ZFYVE16: variants seen among roughly 807,000 people sequenced by gnomAD.
ZFYVE16 encodes zinc finger FYVE domain-containing protein 16.
Under a neutral mutation model 138.1 loss-of-function variants are expected in ZFYVE16, and 89 were observed. That is an observed-to-expected ratio of 0.64 (90% CI 0.54 to 0.77). ZFYVE16 has a LOEUF of 0.77. Among genes scored for constraint, ZFYVE16 ranks in the 30% least tolerant of loss-of-function variants. The pLI, the probability that ZFYVE16 is intolerant of heterozygous loss-of-function variation, is 0.00. For synonymous variants in ZFYVE16, 596 were observed against 618.3 expected (o/e 0.96, Z 0.53); for missense variants, 1,793 against 1,786.7 (o/e 1.00, Z -0.06).
At chr5:80,433,007 A>C (rs1284001054) in intron 2 of ZFYVE16, among the ~76,000 whole-genome samples, 1 of 152,216 alleles carries the variant, frequency 6.6e-6, no homozygotes, top group African/African-American at 2.4e-5. Flanking sequence ...AACTAGTTCA[A>C]CCATTGTGGA....
chr5:80,422,854 GC>G (rs1411391344), intron 1 of ZFYVE16, among the ~76,000 whole-genome samples: 1 of 152,118 alleles, frequency 6.6e-6, no homozygotes, highest in East Asian at 1.9e-4. Context: ...TGTTGAACCA[GC>G]CTTGCATACC....
intron 5 of ZFYVE16, chr5:80,440,434 C>T: frequency 1.0e-6 from 1 of 985,936 alleles, no homozygotes; most frequent in Non-Finnish European, 1.2e-6. Context: ...ATAGTTCACA[C>T]CCTTTAGAAA....
chr5:80,456,985 G>A lies in ZFYVE16; in HGVS notation c.3836G>A (p.Ser1279Asn). The A allele has an allele frequency of 6.2e-7, 1 of 1,609,304 alleles. No homozygotes were observed. The highest frequency in any genetic ancestry group is 1.1e-5 in the South Asian group (1 of 89,654). ...AATTCTTCCAATGAGCATGTCATTAGCATTGGAGCAAGTTTCAGTACAGAA... is the reference window on the plus strand; with the variant it reads ...AATTCTTCCAATGAGCATGTCATTAACATTGGAGCAAGTTTCAGTACAGAA... ...VLNSSNEHVI[S>N]IGASFSTEAD... The change falls in exon 14 of 19, where the codon AGC becomes AAC. Residue 1279 changes from serine (S) to asparagine (N), a missense_variant. Ser to Asn is a conservative substitution (Grantham distance 46). This residue lies in a region of ZFYVE16 where 498 missense variants were observed against 582.4 expected (regional missense o/e 0.86). Transcript: ENST00000505560.
At chr5:80,468,552 T>A (rs1169376253) in intron 15 of ZFYVE16, among the ~76,000 whole-genome samples, 1 of 152,168 alleles carries the variant, frequency 6.6e-6, no homozygotes, top group Non-Finnish European at 1.5e-5. Flanking sequence ...TGTACTATAA[T>A]CTTATGGGAC....
intron 15 of ZFYVE16, among the ~76,000 whole-genome samples, chr5:80,461,221 CA>C (rs1163215357): frequency 3.3e-5 from 5 of 151,888 alleles, no homozygotes; most frequent in African/African-American, 1.2e-4. Context: ...TTCCAAAATC[CA>C]AAAAAAGTCT....
chr5:80,460,093 C>T (rs576667584), intron 15 of ZFYVE16, among the ~76,000 whole-genome samples: 6 of 152,012 alleles, frequency 3.9e-5, no homozygotes, highest in Admixed American at 1.3e-4. Flanking sequence ...TTGGTTGTAC[C>T]GATTTACTTT....
chr5:80,481,890 G>A lies in ZFYVE16; in HGVS notation c.*4513G>A, dbSNP rs532335204. Among the ~76,000 whole-genome samples, 1 of 152,180 alleles carries A rather than the reference G, an allele frequency of 6.6e-6. No individual in the cohort carries two copies. The highest frequency in any genetic ancestry group is 2.1e-4 in the South Asian group (1 of 4,822). ...GCTAGAGTGCAGTGATACAATCTTG[G>A]CTCACTGCAACCTCCACCCCCAGGG... On this transcript the variant is annotated 3_prime_UTR_variant, in exon 19 of 19. Transcript: ENST00000505560.
At position 80,449,723 on chromosome 5, in the gene ZFYVE16, A is replaced by G. The variant is rs370806680; in HGVS notation, c.3226+10A>G. 6.3e-7 allele frequency: 1 copy of G among 1,581,508 alleles called. No individual in the cohort carries two copies. The highest frequency in any genetic ancestry group is 1.4e-5 in the African/African-American group (1 of 73,068). Reference sequence around the variant, plus strand: ...GTCAAATTCATATTTTGTAAGTAATAATTTATCCTTATTTGCTTAATTGGT... The same window carrying G: ...GTCAAATTCATATTTTGTAAGTAATGATTTATCCTTATTTGCTTAATTGGT... On this transcript the variant is annotated intron_variant, in intron 9 of 18. Transcript: ENST00000505560.
Position 80,438,437 on chromosome 5 carries a change from A to G in ZFYVE16, c.1752A>G (p.Gly584=). ...ATATATATTTCAATGCAGAAGCAGGAGCTATTGGGGAAAGTCATGGTATTA... is the reference window on the plus strand; with the variant it reads ...ATATATATTTCAATGCAGAAGCAGGGGCTATTGGGGAAAGTCATGGTATTA... ...INNIYFNAEA[G]AIGESHGINI... The change falls in exon 4 of 19, where the codon GGA becomes GGG. Residue 584 remains glycine (G), a synonymous_variant. Transcript: ENST00000505560. 6.2e-7 allele frequency: 1 copy of G among 1,613,920 alleles called. No homozygotes were observed. Among genetic ancestry groups the G allele is most frequent in the Non-Finnish European group, 8.5e-7 (1 of 1,179,874 alleles).
In ZFYVE16 at chr5:80,408,510, C is replaced by T. The variant is rs181338784; in HGVS notation, c.-94+357C>T. The stretch of plus-strand genomic sequence containing the variant: ...GGAGAAGCGCCCTGGCGCCGCCGTC[C>T]CGCCTGGGGAGGGGCTGCGACTGCG... On this transcript the variant is annotated intron_variant, in intron 1 of 18. Transcript: ENST00000505560. Among the ~76,000 whole-genome samples, 446 of 152,346 alleles carry T rather than the reference C, an allele frequency of 2.9e-3. 2 individuals are homozygous for T. Among genetic ancestry groups the T allele is most frequent in the African/African-American group, 0.01 (428 of 41,592 alleles).
In ZFYVE16 at chr5:80,451,552, A is replaced by C. The variant is rs1751991964; in HGVS notation, c.3450A>C (p.Gly1150=). 2.5e-6 allele frequency: 4 copies of C among 1,613,906 alleles called. No homozygotes were observed. In the East Asian group the frequency reaches 8.9e-5, roughly 36 times the overall value. Residue 1150 remains glycine (G), a synonymous_variant, in exon 11 of 19, where the codon GGA becomes GGC. Coordinates refer to ENST00000505560, the MANE Select transcript of ZFYVE16 (RefSeq NM_001284236.3). ...TESFLSSKDH[G]GFLFITPTFQ... is the part of the protein sequence containing the mutation. Reference sequence around the variant, plus strand: ...GTTTTCTCAGTAGCAAGGATCACGGAGGATTCCTGTTTATTACACCTACTT... The same window carrying C: ...GTTTTCTCAGTAGCAAGGATCACGGCGGATTCCTGTTTATTACACCTACTT...
chr5:80,475,836 A>C (rs1754853246), intron 18 of ZFYVE16, among the ~76,000 whole-genome samples: 1 of 152,204 alleles, frequency 6.6e-6, no homozygotes, highest in Non-Finnish European at 1.5e-5. Context: ...AAAAATTCTG[A>C]GTAGAATTGC....
Position 80,448,235 on chromosome 5 carries a change from A to G in ZFYVE16, c.2934A>G (p.Pro978=), listed in dbSNP as rs1428989539. 1 of 1,613,786 alleles carries G rather than the reference A, an allele frequency of 6.2e-7. No homozygotes were observed. Among genetic ancestry groups the G allele is most frequent in the African/African-American group, 1.3e-5 (1 of 74,928 alleles). The part of the protein sequence containing the change: ...DDDVFAETEE[P]SSPTGVLVNS... ...ATGTTTTTGCAGAAACTGAAGAACC[A>G]TCTAGTCCTACTGGTGTCTTAGTTA... The change falls in exon 8 of 19, where the codon CCA becomes CCG. Residue 978 remains proline, a synonymous_variant. Coordinates refer to ENST00000505560, the MANE Select transcript of ZFYVE16 (RefSeq NM_001284236.3).
chr5:80,439,163 G>A (rs1750369912), intron 4 of ZFYVE16, among the ~76,000 whole-genome samples, 156 bp downstream of exon 4: 1 of 152,186 alleles, frequency 6.6e-6, no homozygotes, highest in Non-Finnish European at 1.5e-5. Flanking sequence ...ATAAAGCAGT[G>A]TCATTTTGCA....
intron 10 of ZFYVE16, 152 bp downstream of exon 10, chr5:80,450,738 T>C: frequency 2.6e-6 from 2 of 767,298 alleles, no homozygotes; most frequent in South Asian, 5.1e-5. Context: ...TTTTGTCTCC[T>C]TAAAACTAGC....
intron 17 of ZFYVE16, 72 bp downstream of exon 17, chr5:80,473,931 C>T (rs1455703643): frequency 1.5e-5 from 17 of 1,108,758 alleles, no homozygotes; most frequent in Non-Finnish European, 2.3e-5. Context: ...ATTGTGCATA[C>T]TCAACCTCTA....
At chr5:80,423,977 C>T (rs189656403) in intron 1 of ZFYVE16, among the ~76,000 whole-genome samples, 2 of 147,668 alleles carry the variant, frequency 1.4e-5, no homozygotes, top group Non-Finnish European at 3.0e-5. Flanking sequence ...TGAAGTTGCA[C>T]TCTTGTTGCT....
rs139495784 is a variant in ZFYVE16 at position 80,461,864 on chromosome 5, C to T, written c.4024+2370C>T. Among the ~76,000 whole-genome samples the T allele has an allele frequency of 5.4e-3, 826 of 152,040 alleles. 6 individuals carry two copies. The highest frequency in any genetic ancestry group is 0.027 in the Middle Eastern group (8 of 292). Reference sequence around the variant, plus strand: ...GCGGGCGCCTGTAATCCCAGCTACTCGGGAGGCTGAGTCAAGAGAATGGTG... The same window carrying T: ...GCGGGCGCCTGTAATCCCAGCTACTTGGGAGGCTGAGTCAAGAGAATGGTG... On this transcript the variant is annotated intron_variant, in intron 15 of 18. Coordinates refer to ENST00000505560, the MANE Select transcript of ZFYVE16 (RefSeq NM_001284236.3).
At chr5:80,466,704 T>C (rs1015409439) in intron 15 of ZFYVE16, among the ~76,000 whole-genome samples, 1 of 152,172 alleles carries the variant, frequency 6.6e-6, no homozygotes, top group Non-Finnish European at 1.5e-5. Flanking sequence ...TGAGATACTG[T>C]GGAGGATGAC....
Sources: allele counts gnomAD v4.1 joint callset (sites outside exome capture counted in the v4.1 genomes callset), GRCh38; gene constraint gnomAD v4.1.1; regional missense constraint gnomAD v4.1.1; transcripts MANE v1.5; gene names NCBI Gene and HGNC (gene_info 2026-07-23, HGNC 2026-07-21).